The following TNRC6C variants were observed in gnomAD, a reference collection of about 807,000 sequenced individuals.
TNRC6C encodes the protein trinucleotide repeat-containing gene 6C protein.
TNRC6C carries 20 observed loss-of-function variants against 153.7 expected under a neutral mutation model. That is an observed-to-expected ratio of 0.13 (90% CI 0.09 to 0.19). The LOEUF is 0.19. TNRC6C is among the 10% of genes least tolerant of loss of function. The pLI is 1.00. For missense variants in TNRC6C, 1,987 were observed against 2,172.0 expected, an observed-to-expected ratio of 0.91 and a Z score of 1.69; for synonymous variants, 811 against 841.4, an observed-to-expected ratio of 0.96 and a Z score of 0.63.
At chr17:78,068,715 AC>A (rs2072930755) in intron 5 of TNRC6C, among the ~76,000 whole-genome samples, 1 of 152,002 alleles carries the variant, frequency 6.6e-6, no homozygotes, top group Non-Finnish European at 1.5e-5. Flanking sequence ...AATTGCTTAA[AC>A]CTGGGAGGCG....
chr17:77,978,562 A>T lies in TNRC6C; in HGVS notation c.-38+19294A>T, dbSNP rs566140621. On this transcript the variant is annotated intron_variant, in intron 1 of 22. Coordinates refer to the TNRC6C transcript ENST00000636222. ...TCCTAGAGAGAAGGGAGGTCTAAAGAGGCAGAATAAACATTTGGTGCCACA... is the reference window on the plus strand; with the variant it reads ...TCCTAGAGAGAAGGGAGGTCTAAAGTGGCAGAATAAACATTTGGTGCCACA... Among the ~76,000 whole-genome samples the T allele has an allele frequency of 1.6e-3, 243 of 152,332 alleles. 2 individuals carry two copies. The highest frequency in any genetic ancestry group is 5.3e-3 in the African/African-American group (219 of 41,580).
exon 5 of TNRC6C, chr17:78,067,907 A>G (rs192667738): frequency 6.2e-7 from 1 of 1,611,656 alleles, no homozygotes; most frequent in East Asian, 2.2e-5. Flanking sequence ...AACGCCCCCA[A>G]AAAAGGACTT....
At chr17:78,096,264 T>C (rs1079121) in intron 16 of TNRC6C, among the ~76,000 whole-genome samples, 1 of 151,772 alleles carries the variant, frequency 6.6e-6, no homozygotes, top group Non-Finnish European at 1.5e-5. Flanking sequence ...GCCTGCTGTA[T>C]GGTAGAGGGT....
chr17:78,019,428 G>C (rs1192750541), intron 1 of TNRC6C, among the ~76,000 whole-genome samples: 1 of 152,204 alleles, frequency 6.6e-6, no homozygotes, highest in Non-Finnish European at 1.5e-5. Context: ...CAAAATGTGG[G>C]AATCTCTCTA....
At chr17:78,086,861 C>T (rs1179041666) in exon 13 of TNRC6C, 2 of 1,612,038 alleles carry the variant, frequency 1.2e-6, no homozygotes, top group Non-Finnish European at 1.7e-6. Flanking sequence ...AGGTTGCGCG[C>T]ACAATCACTA....
chr17:78,097,222 T>C (rs2073503300), intron 16 of TNRC6C, among the ~76,000 whole-genome samples: 1 of 152,092 alleles, frequency 6.6e-6, no homozygotes, highest in South Asian at 2.1e-4. Flanking sequence ...AACAGCCCCA[T>C]CTCTTAAAAA....
At chr17:78,052,571 A>G (rs568102628) in intron 3 of TNRC6C, among the ~76,000 whole-genome samples, 1 of 152,304 alleles carries the variant, frequency 6.6e-6, no homozygotes, top group East Asian at 1.9e-4. Flanking sequence ...TGCGGGGGCC[A>G]CTGGAGTTGG....
At chr17:77,964,999 G>A (rs186409893) in intron 1 of TNRC6C, among the ~76,000 whole-genome samples, 5 of 152,322 alleles carry the variant, frequency 3.3e-5, no homozygotes, top group East Asian at 3.9e-4. Flanking sequence ...GGGAGTGGAC[G>A]AGGTTAGAAA....
intron 3 of TNRC6C, 54 bp downstream of exon 5, chr17:78,051,502 T>C: frequency 8.4e-7 from 1 of 1,189,634 alleles, no homozygotes; most frequent in African/African-American, 1.5e-5. Flanking sequence ...AAAAAAAGCT[T>C]ATTCTCATTA....
In TNRC6C at chr17:78,067,749, G is replaced by GT; in HGVS notation, c.2612-5dup. 1 of 1,603,432 alleles carries GT rather than the reference G, an allele frequency of 6.2e-7. No homozygotes were observed. The highest frequency in any genetic ancestry group is 8.5e-7 in the Non-Finnish European group (1 of 1,176,178). On this transcript the variant is annotated splice_polypyrimidine_tract_variant and splice_region_variant and intron_variant, in intron 4 of 19. Transcript: ENST00000301624. Reference sequence around the variant, plus strand: ...AATTTGATAAGTTCATGTTTGCTCTGTTTCTAGCTTCAAAATCTATGCAAG... The same window carrying GT: ...AATTTGATAAGTTCATGTTTGCTCTGTTTTCTAGCTTCAAAATCTATGCAAG...
chr17:77,997,370 C>T (rs1225660829), intron 1 of TNRC6C, among the ~76,000 whole-genome samples: 1 of 152,188 alleles, frequency 6.6e-6, no homozygotes, highest in Non-Finnish European at 1.5e-5. Flanking sequence ...AAGTATAGGT[C>T]CCTGCTGTCA....
At chr17:78,077,133 T>C in intron 8 of TNRC6C, 52 bp from the exon 11 acceptor site, 2 of 1,549,850 alleles carry the variant, frequency 1.3e-6, no homozygotes, top group Non-Finnish European at 8.7e-7. Flanking sequence ...TGTTTGGTGC[T>C]TTGTCTGCTG....
chr17:78,076,682 A>T (rs1486553256), intron 8 of TNRC6C, among the ~76,000 whole-genome samples: 1 of 152,198 alleles, frequency 6.6e-6, no homozygotes, highest in Non-Finnish European at 1.5e-5. Context: ...GGCACACAGC[A>T]TGACCTCAGT....
At chr17:78,036,826 A>G (rs868348867) in intron 2 of TNRC6C, among the ~76,000 whole-genome samples, 1 of 151,956 alleles carries the variant, frequency 6.6e-6, no homozygotes, top group South Asian at 2.1e-4. Flanking sequence ...CGGGAGGCTG[A>G]GGCAAGAGAA....
rs1050351576 is a variant in TNRC6C at position 78,020,609 on chromosome 17, A to C, written c.-545-10907A>C. 2.8e-4 allele frequency among the ~76,000 whole-genome samples: 43 copies of C among 152,354 alleles called. 1 individual carries two copies. The highest frequency in any genetic ancestry group is 4.6e-4 in the Non-Finnish European group (31 of 68,036). On this transcript the variant is annotated intron_variant, in intron 1 of 19. Transcript: ENST00000301624. ...TTCAAAAGAAATAATGGAAGCCACA[A>C]ATGTGAGCCACATGAATCATTTTAA... is the stretch of plus-strand genomic sequence containing the variant.
chr17:78,062,868 T>C (rs926320238), intron 3 of TNRC6C, among the ~76,000 whole-genome samples: 2 of 152,166 alleles, frequency 1.3e-5, no homozygotes, highest in Non-Finnish European at 2.9e-5. Flanking sequence ...GAAGCCTTAT[T>C]GATAGCAGTC....
chr17:78,041,626 A>G (rs1185486507), intron 2 of TNRC6C, among the ~76,000 whole-genome samples: 2 of 152,194 alleles, frequency 1.3e-5, no homozygotes, highest in Admixed American at 6.5e-5. Flanking sequence ...CTGTCCAGCA[A>G]TGGAATTTTG....
chr17:78,037,657 G>T (rs999930256), intron 2 of TNRC6C, among the ~76,000 whole-genome samples: 1 of 152,168 alleles, frequency 6.6e-6, no homozygotes, highest in African/African-American at 2.4e-5. Context: ...TCATTGTGGC[G>T]GGGGGCAGTG....
intron 1 of TNRC6C, among the ~76,000 whole-genome samples, chr17:77,976,202 T>C (rs748140127): frequency 1.3e-5 from 2 of 152,242 alleles, no homozygotes; most frequent in African/African-American, 4.8e-5. Context: ...ATTTGCTCTT[T>C]AATTACATAT....
Sources: gnomAD v4.1 joint callset for allele counts (sites outside exome capture counted in the v4.1 genomes callset) on GRCh38, gnomAD v4.1.1 for gene constraint, MANE v1.5 for transcripts, NCBI Gene and HGNC (gene_info 2026-07-23, HGNC 2026-07-21) for gene names.